FOXN3: variants seen among roughly 807,000 people sequenced by gnomAD.
The protein encoded by FOXN3 is forkhead box N3.
A neutral mutation model predicts 38.4 loss-of-function variants in FOXN3; 7 were observed. The observed-to-expected ratio is 0.18, with a 90% CI of 0.10 to 0.34. The LOEUF (loss-of-function observed/expected upper bound fraction) is 0.34. Among genes scored for constraint, FOXN3 ranks in the 10% least tolerant of loss-of-function variants. The probability of loss-of-function intolerance (pLI) is 1.00; values close to 1 mark genes in which losing one functional copy is unlikely to be tolerated. For missense variants in FOXN3, 456 were observed against 613.4 expected (o/e 0.74, Z 2.71); for synonymous variants, 230 against 242.2 (o/e 0.95, Z 0.47).
chr14:89,416,164 T>C (rs893918311), intron 1 of FOXN3, among the ~76,000 whole-genome samples: 2 of 152,202 alleles, frequency 1.3e-5, no homozygotes, highest in Admixed American at 1.3e-4. Flanking sequence ...TCTCGTCTAC[T>C]GTACTTGTCA....
chr14:89,351,692 G>C (rs1344806466), intron 2 of FOXN3, among the ~76,000 whole-genome samples: 1 of 152,192 alleles, frequency 6.6e-6, no homozygotes, highest in Non-Finnish European at 1.5e-5. Context: ...TACCCAAACT[G>C]TTTGATAAGG....
chr14:89,297,204 G>A (rs897011083), intron 3 of FOXN3, among the ~76,000 whole-genome samples: 15 of 152,260 alleles, frequency 9.9e-5, no homozygotes, highest in African/African-American at 2.9e-4. Context: ...CGGAGGCGGC[G>A]CAAAAGACAT....
intron 3 of FOXN3, among the ~76,000 whole-genome samples, chr14:89,311,007 G>A (rs529281508): frequency 1.0e-3 from 156 of 151,596 alleles, no homozygotes; most frequent in African/African-American, 3.7e-3. Context: ...TCAGGAGGCT[G>A]AGGCAGAAGA....
chr14:89,378,215 G>C (rs191460642), intron 2 of FOXN3, among the ~76,000 whole-genome samples: 1 of 152,206 alleles, frequency 6.6e-6, no homozygotes, highest in Non-Finnish European at 1.5e-5. Flanking sequence ...TCCATTCATT[G>C]ATACAGAAAA....
chr14:89,524,238 G>T (rs1392214026), intron 1 of FOXN3, among the ~76,000 whole-genome samples: 5 of 147,494 alleles, frequency 3.4e-5, no homozygotes, highest in African/African-American at 9.8e-5. Flanking sequence ...GCCAAGCGAG[G>T]TGGTGGGCGC....
At chr14:89,360,066 G>A (rs1889399112) in intron 2 of FOXN3, among the ~76,000 whole-genome samples, 1 of 152,214 alleles carries the variant, frequency 6.6e-6, no homozygotes, top group Non-Finnish European at 1.5e-5. Flanking sequence ...AGGCTTGAAG[G>A]CTTCTCCTGG....
At chr14:89,425,040 G>GTGTTT (rs1404417051) in intron 1 of FOXN3, among the ~76,000 whole-genome samples, 2 of 138,348 alleles carry the variant, frequency 1.4e-5, no homozygotes, top group African/African-American at 2.7e-5. Context: ...TTTTTTTGTT[G>GTGTTT]TGTTTTGTTT....
At chr14:89,381,401 A>C (rs1045002026) in intron 2 of FOXN3, among the ~76,000 whole-genome samples, 2 of 151,974 alleles carry the variant, frequency 1.3e-5, no homozygotes, top group Non-Finnish European at 2.9e-5. Context: ...AAGCCTTTCC[A>C]ACATCTGGTG....
intron 2 of FOXN3, among the ~76,000 whole-genome samples, chr14:89,392,631 T>C (rs1890980028): frequency 8.9e-6 from 1 of 112,572 alleles, no homozygotes. Context: ...TGTGTCTGTG[T>C]CTCGTCTTTT....
rs1262562450 is a variant in FOXN3, at chr14:89,163,301, C to T, written c.852-332G>A. Among the ~76,000 whole-genome samples the T allele has an allele frequency of 6.6e-6, 1 of 152,184 alleles. No homozygotes were observed. The highest frequency in any genetic ancestry group is 2.1e-4 in the South Asian group (1 of 4,830). On this transcript the variant is annotated intron_variant, in intron 5 of 5. Transcript: ENST00000557258. The surrounding 1 kb of genome is among the most constrained non-coding windows in gnomAD (Gnocchi z 4.3). Reference sequence around the variant, plus strand: ...CATAAAAATCAAGCTGTGCTTGGTTCGTGTCCCCGCCAACACCACAGAGTC... The same window carrying T: ...CATAAAAATCAAGCTGTGCTTGGTTTGTGTCCCCGCCAACACCACAGAGTC...
chr14:89,317,945 C>T lies in FOXN3; in HGVS notation c.680+32727G>A, dbSNP rs192803327. Among the ~76,000 whole-genome samples, 6 of 149,946 alleles carry T rather than the reference C, an allele frequency of 4.0e-5. No individual in the cohort carries two copies. The East Asian group carries it at 1.2e-3, about 29-fold the overall frequency. Reference sequence around the variant, plus strand: ...CTCCTTATGGGAATCTAACTAATGCCTGATCCAAGGTGGAACAGTTTCATC... The same window carrying T: ...CTCCTTATGGGAATCTAACTAATGCTTGATCCAAGGTGGAACAGTTTCATC... On this transcript the variant is annotated intron_variant, in intron 3 of 5. Coordinates refer to ENST00000557258, the MANE Select transcript of FOXN3 (RefSeq NM_005197.4).
At chr14:89,599,789 C>T (rs1352394451) in intron 1 of FOXN3, among the ~76,000 whole-genome samples, 3 of 152,168 alleles carry the variant, frequency 2.0e-5, no homozygotes. Context: ...ATTTCTGATT[C>T]ACCTAGACTC....
intron 1 of FOXN3, among the ~76,000 whole-genome samples, chr14:89,599,935 T>C (rs761079987): frequency 6.6e-6 from 1 of 152,194 alleles, no homozygotes; most frequent in Non-Finnish European, 1.5e-5. Context: ...AGCCTCTACT[T>C]TTTGAACTGA....
intron 4 of FOXN3, among the ~76,000 whole-genome samples, chr14:89,269,700 T>C (rs1289828263): frequency 6.6e-6 from 1 of 152,114 alleles, no homozygotes; most frequent in African/African-American, 2.4e-5. Flanking sequence ...AGAGGTGGCC[T>C]TTTGACATTG....
At chr14:89,607,051 C>T (rs1490173419) in intron 1 of FOXN3, among the ~76,000 whole-genome samples, 2 of 152,194 alleles carry the variant, frequency 1.3e-5, no homozygotes, top group Non-Finnish European at 1.5e-5. Context: ...GATTATTTCA[C>T]ACCTACTAAA....
At chr14:89,599,198 T>C (rs911166708) in intron 1 of FOXN3, among the ~76,000 whole-genome samples, 1 of 152,222 alleles carries the variant, frequency 6.6e-6, no homozygotes. Context: ...ACCAATTCAT[T>C]TGGTTTTTTT....
At chr14:89,182,554 C>T (rs1418475747) in intron 4 of FOXN3, among the ~76,000 whole-genome samples, 1 of 152,182 alleles carries the variant, frequency 6.6e-6, no homozygotes, top group Non-Finnish European at 1.5e-5. Context: ...CTGATTTCCG[C>T]TAACAGACCA....
chr14:89,598,813 T>C (rs1166034756), intron 1 of FOXN3, among the ~76,000 whole-genome samples: 1 of 152,218 alleles, frequency 6.6e-6, no homozygotes, highest in Non-Finnish European at 1.5e-5. Flanking sequence ...TCTTTTTCTT[T>C]TATAAATGTT....
intron 1 of FOXN3, among the ~76,000 whole-genome samples, chr14:89,524,416 C>T (rs7148716): frequency 0.48 from 41,325 of 85,710 alleles, 8,509 homozygotes; most frequent in East Asian, 0.68. Context: ...AAGAAAGAAA[C>T]TAGAAAAAGA....
Sources: allele counts gnomAD v4.1 joint callset (sites outside exome capture counted in the v4.1 genomes callset), GRCh38; gene constraint gnomAD v4.1.1; non-coding constraint Gnocchi (gnomAD v3.1); transcripts MANE v1.5; gene names NCBI Gene and HGNC (gene_info 2026-07-23, HGNC 2026-07-21).